Variants in NCKAP5 observed in about 807,000 individuals in gnomAD.
NCKAP5 encodes the protein NCK associated protein 5.
NCKAP5 carries 92 observed loss-of-function variants against 167.0 expected under a neutral mutation model. The ratio of observed to expected loss-of-function variants is 0.55; its 90% confidence interval spans 0.47 to 0.66. The LOEUF (loss-of-function observed/expected upper bound fraction) is 0.66, where lower values mean the gene tolerates loss of function less well. NCKAP5 is among the 30% of genes least tolerant of loss of function. The pLI is 0.00. For missense variants in NCKAP5, 2,378 were observed against 2,315.0 expected (o/e 1.03, Z -0.56); for synonymous variants, 891 against 877.4 (o/e 1.02, Z -0.27).
chr2:133,208,273 G>A (rs2086050986), intron 5 of NCKAP5, among the ~76,000 whole-genome samples: 1 of 152,152 alleles, frequency 6.6e-6, no homozygotes, highest in Admixed American at 6.5e-5. Flanking sequence ...CGGCAGGAGA[G>A]GCTGCAGAGA....
chr2:132,964,621 C>G (rs910304623), intron 7 of NCKAP5, among the ~76,000 whole-genome samples: 2 of 152,040 alleles, frequency 1.3e-5, no homozygotes, highest in Admixed American at 1.3e-4. Flanking sequence ...AAAAAAGGAT[C>G]CATTTTGTGC....
At chr2:132,747,171 C>CAAA (rs140348727) in intron 16 of NCKAP5, among the ~76,000 whole-genome samples, 3,868 of 124,108 alleles carry the variant, frequency 0.031, 147 homozygotes, top group East Asian at 0.17. Context: ...CTCAGCCTGC[C>CAAA]AAAAAAAAAA....
At chr2:133,038,261 T>C (rs2079100446) in intron 6 of NCKAP5, among the ~76,000 whole-genome samples, 1 of 152,128 alleles carries the variant, frequency 6.6e-6, no homozygotes, top group East Asian at 1.9e-4. Flanking sequence ...ACGTGGTACA[T>C]GTACACAATG....
At chr2:133,653,107 C>T in the NCKAP5 span, among the ~76,000 whole-genome samples, 1 of 152,142 alleles carries the variant, frequency 6.6e-6, no homozygotes, top group Admixed American at 6.6e-5. Flanking sequence ...ATGACCTGTC[C>T]TGAGGATCTG....
At chr2:133,363,013 G>T (rs912769760) in intron 3 of NCKAP5, among the ~76,000 whole-genome samples, 4 of 151,518 alleles carry the variant, frequency 2.6e-5, no homozygotes, top group Admixed American at 1.3e-4. Flanking sequence ...TGATCCGCCC[G>T]CCTCGGCCTC....
At chr2:132,950,282 T>C (rs1574741882) in intron 8 of NCKAP5, among the ~76,000 whole-genome samples, 3 of 152,306 alleles carry the variant, frequency 2.0e-5, no homozygotes. Context: ...CAAGAAAATA[T>C]TATCAGTGAA....
chr2:133,110,555 GA>G, intron 6 of NCKAP5, among the ~76,000 whole-genome samples: 1 of 152,248 alleles, frequency 6.6e-6, no homozygotes, highest in South Asian at 2.1e-4. Flanking sequence ...CTGTTAGGGC[GA>G]GAAAAAGCAG....
intron 19 of NCKAP5, among the ~76,000 whole-genome samples, chr2:132,716,344 T>G (rs1384171528): frequency 1.3e-5 from 2 of 152,198 alleles, no homozygotes; most frequent in African/African-American, 4.8e-5. Context: ...CACACAAATT[T>G]TCACAAGTGA....
chr2:132,891,037 CT>C (rs1351608901), intron 8 of NCKAP5, among the ~76,000 whole-genome samples: 1 of 152,168 alleles, frequency 6.6e-6, no homozygotes, highest in Non-Finnish European at 1.5e-5. Flanking sequence ...AAAATGAAGT[CT>C]TTGTTTAAAA....
At chr2:133,522,328 C>A (rs952313616) in intron 2 of NCKAP5, among the ~76,000 whole-genome samples, 1 of 152,140 alleles carries the variant, frequency 6.6e-6, no homozygotes, top group African/African-American at 2.4e-5. Context: ...AAATTCCTTG[C>A]ATTAAATCCC....
chr2:133,655,169 T>G, the NCKAP5 span, among the ~76,000 whole-genome samples: 1 of 152,218 alleles, frequency 6.6e-6, no homozygotes, highest in African/African-American at 2.4e-5. Context: ...TTTGAGTGAT[T>G]GCACTCTGCT....
At chr2:133,021,603 C>T (rs2078530282) in intron 6 of NCKAP5, among the ~76,000 whole-genome samples, 1 of 152,188 alleles carries the variant, frequency 6.6e-6, no homozygotes, top group Admixed American at 6.5e-5. Flanking sequence ...GATATGTTTG[C>T]TATTGTGTAA....
At chr2:133,617,105 C>T in the NCKAP5 span, among the ~76,000 whole-genome samples, 3 of 152,156 alleles carry the variant, frequency 2.0e-5, no homozygotes, top group African/African-American at 4.8e-5. Flanking sequence ...TTCAACAGCC[C>T]TTCATGCTAA....
chr2:133,064,698 C>T (rs983170311), intron 6 of NCKAP5, among the ~76,000 whole-genome samples: 3 of 152,066 alleles, frequency 2.0e-5, no homozygotes, highest in African/African-American at 7.2e-5. Context: ...ATACGCTTGG[C>T]ATAAGGAATA....
At chr2:133,647,418 A>AGGAAGGAAGGAG in the NCKAP5 span, among the ~76,000 whole-genome samples, 63 of 122,050 alleles carry the variant, frequency 5.2e-4, 1 homozygote, top group Admixed American at 1.5e-3. Context: ...GAAGGAAGGA[A>AGGAAGGAAGGAG]GAGAAAGAAA....
At chr2:133,245,856 T>G (rs1323464228) in intron 4 of NCKAP5, among the ~76,000 whole-genome samples, 1 of 149,488 alleles carries the variant, frequency 6.7e-6, no homozygotes, top group Non-Finnish European at 1.5e-5. Context: ...TCCAGGAGTT[T>G]ATAACTCAGA....
rs533122551 is a variant in NCKAP5 at position 133,546,936 on chromosome 2, C to T, written c.-62+12114G>A. 2.8e-4 allele frequency among the ~76,000 whole-genome samples: 43 copies of T among 152,304 alleles called. 1 individual carries two copies. In the South Asian group the frequency reaches 5.0e-3, roughly 18 times the overall value. Reference sequence around the variant, plus strand: ...CTCCCAGCGTGAGCAACACAGAAGACGGGTGATTTCTGCATTTCCATCTGA... The same window carrying T: ...CTCCCAGCGTGAGCAACACAGAAGATGGGTGATTTCTGCATTTCCATCTGA... On this transcript the variant is annotated intron_variant, in intron 2 of 19. Transcript: ENST00000409261.
intron 3 of NCKAP5, among the ~76,000 whole-genome samples, chr2:133,316,394 G>A (rs902112733): frequency 5.3e-5 from 8 of 152,150 alleles, no homozygotes; most frequent in Admixed American, 3.9e-4. Flanking sequence ...AACCTAGACT[G>A]CCTATCCCAG....
At chr2:133,275,936 A>AT (rs557175247) in intron 4 of NCKAP5, among the ~76,000 whole-genome samples, 4 of 151,366 alleles carry the variant, frequency 2.6e-5, no homozygotes, top group South Asian at 4.2e-4. Flanking sequence ...TTATACACAG[A>AT]TTTTTTTTTC....
Sources: gnomAD v4.1 joint callset for allele counts (sites outside exome capture counted in the v4.1 genomes callset) on GRCh38, gnomAD v4.1.1 for gene constraint, MANE v1.5 for transcripts, NCBI Gene and HGNC (gene_info 2026-07-23, HGNC 2026-07-21) for gene names.